The following KDSR variants were observed in gnomAD, a reference collection of about 807,000 sequenced individuals.
KDSR encodes 3-ketodihydrosphingosine reductase, also known as 3-dehydrosphinganine reductase.
KDSR carries 23 observed loss-of-function variants against 41.3 expected under a neutral mutation model. The observed-to-expected ratio is 0.56, with a 90% CI of 0.40 to 0.79. The LOEUF (loss-of-function observed/expected upper bound fraction) is 0.79, where lower values mean the gene tolerates loss of function less well. KDSR is among the 30% of genes least tolerant of loss of function. The probability of loss-of-function intolerance (pLI) is 0.00; values close to 1 mark genes in which losing one functional copy is unlikely to be tolerated. For synonymous variants in KDSR, 138 were observed against 151.7 expected (o/e 0.91, Z 0.66); for missense variants, 351 against 416.8 (o/e 0.84, Z 1.37).
intron 1 of KDSR, among the ~76,000 whole-genome samples, chr18:63,365,464 T>G (rs941025959): frequency 4.6e-5 from 7 of 152,328 alleles, no homozygotes; most frequent in Admixed American, 3.3e-4. Flanking sequence ...ACTATTCATG[T>G]CATTCTCACA....
intron 1 of KDSR, among the ~76,000 whole-genome samples, chr18:63,365,034 T>C (rs1371109940): frequency 6.6e-6 from 1 of 152,242 alleles, no homozygotes; most frequent in African/African-American, 2.4e-5. Flanking sequence ...CCTACCTCTA[T>C]GGGACTCATA....
At chr18:63,335,934 A>T (rs993864921) in intron 8 of KDSR, 2 of 152,328 alleles carry the variant, frequency 1.3e-5, no homozygotes, top group Admixed American at 1.3e-4. Context: ...GCAGCACTGC[A>T]TTCCAGGGCG....
rs199796012 is a variant in KDSR at position 63,331,278 on chromosome 18, G to GAGAGAGACAGAGAGACAGAGAGAC, written c.*480_*503dup. ...ACACAAAGAAAGAAAGAGAGAGAGA[G>GAGAGAGACAGAGAGACAGAGAGAC]AGAGAGACAGAGAGACAGAGAGACA... On this transcript the variant is annotated 3_prime_UTR_variant, in exon 10 of 10. Transcript: ENST00000645214. The GAGAGAGACAGAGAGACAGAGAGAC allele has an allele frequency of 5.5e-6, 1 of 182,062 alleles. No individual in the cohort carries two copies. Among genetic ancestry groups the GAGAGAGACAGAGAGACAGAGAGAC allele is most frequent in the African/African-American group, 2.5e-5 (1 of 39,732 alleles). 11.3% of individuals were successfully genotyped at this position (182,062 alleles called of 1,614,324 possible). A position where few individuals can be genotyped will look rare whatever the true frequency, so the allele number is the denominator to read the frequency against.
Position 63,331,743 on chromosome 18 carries a change from A to G in KDSR, c.*39T>C, listed in dbSNP as rs1045514435. On this transcript the variant is annotated 3_prime_UTR_variant, in exon 10 of 10. Coordinates refer to ENST00000645214, the MANE Select transcript of KDSR (RefSeq NM_002035.4). ...GTCCCATTTAGCAGCAAGCTGTTCA[A>G]ATTATTTGGAAACAGTCTTCTTCCA... The G allele has an allele frequency of 1.9e-6, 3 of 1,602,198 alleles. No individual in the cohort carries two copies. The highest frequency in any genetic ancestry group is 2.2e-5 in the South Asian group (2 of 89,200).
chr18:63,343,938 A>G (rs1389804668), intron 7 of KDSR, among the ~76,000 whole-genome samples: 1 of 152,016 alleles, frequency 6.6e-6, no homozygotes, highest in African/African-American at 2.4e-5. Flanking sequence ...AGCACCTGGG[A>G]GGCTGAGGAG....
intron 7 of KDSR, among the ~76,000 whole-genome samples, chr18:63,341,301 T>A (rs1914333906): frequency 6.6e-6 from 1 of 151,992 alleles, no homozygotes; most frequent in South Asian, 2.1e-4. Flanking sequence ...AGAGAAAATA[T>A]GAAATCCATG....
intron 7 of KDSR, among the ~76,000 whole-genome samples, chr18:63,339,436 A>G (rs1914278534): frequency 6.6e-6 from 1 of 152,226 alleles, no homozygotes. Flanking sequence ...AGGCAAATGC[A>G]CAGGACACTG....
At chr18:63,340,559 A>G (rs1914316696) in intron 7 of KDSR, among the ~76,000 whole-genome samples, 1 of 152,236 alleles carries the variant, frequency 6.6e-6, no homozygotes, top group Non-Finnish European at 1.5e-5. Flanking sequence ...TCACCTATTC[A>G]TTTGCTCAAA....
Position 63,344,507 on chromosome 18 carries a change from C to T in KDSR, c.610-14G>A, listed in dbSNP as rs1914439522. The T allele has an allele frequency of 6.3e-7, 1 of 1,597,608 alleles. No homozygotes were observed. The highest frequency in any genetic ancestry group is 1.7e-5 in the Admixed American group (1 of 59,968). ...ATATGGCTTCACCTGCATTTCAAAA[C>T]AACACGTGTACCTTCAGTAAACAAG... On this transcript the variant is annotated splice_polypyrimidine_tract_variant and intron_variant, in intron 6 of 9. Coordinates refer to ENST00000645214, the MANE Select transcript of KDSR (RefSeq NM_002035.4).
At chr18:63,339,514 G>A (rs1163530590) in intron 7 of KDSR, among the ~76,000 whole-genome samples, 1 of 152,198 alleles carries the variant, frequency 6.6e-6, no homozygotes, top group Non-Finnish European at 1.5e-5. Flanking sequence ...TAGTTACCAG[G>A]CTGGAGCTGC....
intron 1 of KDSR, among the ~76,000 whole-genome samples, chr18:63,365,786 G>C (rs373990871): frequency 6.6e-6 from 1 of 152,200 alleles, no homozygotes; most frequent in Non-Finnish European, 1.5e-5. Flanking sequence ...TCAGAATTTA[G>C]AGTGTCAAGT....
At position 63,331,475 on chromosome 18, in the gene KDSR, T is replaced by G. The variant is rs1297700136; in HGVS notation, c.*307A>C. The G allele has an allele frequency of 4.0e-6, 1 of 253,032 alleles. No individual in the cohort carries two copies. Among genetic ancestry groups the G allele is most frequent in the African/African-American group, 2.2e-5 (1 of 46,018 alleles). The allele number at this position is 253,032 out of a possible 1,614,324, so 15.7% of individuals were successfully genotyped here. On this transcript the variant is annotated 3_prime_UTR_variant, in exon 10 of 10. Coordinates refer to ENST00000645214, the MANE Select transcript of KDSR (RefSeq NM_002035.4). ...CAAAAAAGAATAAATAGAAACAAAT[T>G]TAATGATCATTCTGGAATCCTGTTC... is the stretch of plus-strand genomic sequence containing the variant.
chr18:63,346,049 GAGGGCTTTA>G (rs1206853311), intron 6 of KDSR: 3 of 151,904 alleles, frequency 2.0e-5, no homozygotes, highest in Non-Finnish European at 4.4e-5. Flanking sequence ...GCACAGTTTT[GAGGGCTTTA>G]AGGGGAGCTT....
Position 63,333,464 on chromosome 18 carries a change from TAG to T in KDSR, c.880-1565_880-1564del, listed in dbSNP as rs1176463713. Among the ~76,000 whole-genome samples the T allele has an allele frequency of 2.6e-5, 4 of 152,176 alleles. No homozygotes were observed. The East Asian group carries it at 7.7e-4, about 29-fold the overall frequency. On this transcript the variant is annotated intron_variant, in intron 9 of 9. Transcript: ENST00000645214. ...TTTCATGCAATGTATAGTTGCAGTTTAGAAACAACTGGTGTGGAAAATGTGAG... is the reference window on the plus strand; with the variant it reads ...TTTCATGCAATGTATAGTTGCAGTTTAAACAACTGGTGTGGAAAATGTGAG...
At position 63,331,278 on chromosome 18, in the gene KDSR, G is replaced by C. The variant is rs556302416; in HGVS notation, c.*504C>G. On this transcript the variant is annotated 3_prime_UTR_variant, in exon 10 of 10. Transcript: ENST00000645214. Reference sequence around the variant, plus strand: ...ACACAAAGAAAGAAAGAGAGAGAGAGAGAGAGACAGAGAGACAGAGAGACA... The same window carrying C: ...ACACAAAGAAAGAAAGAGAGAGAGACAGAGAGACAGAGAGACAGAGAGACA... 7.2e-4 allele frequency: 132 copies of C among 184,070 alleles called. No individual in the cohort carries two copies. In the East Asian group the frequency reaches 7.8e-3, roughly 11 times the overall value. The allele number at this position is 184,070 out of a possible 1,614,324, so 11.4% of individuals were successfully genotyped here.
chr18:63,355,889 G>C (rs1480241122), intron 3 of KDSR, among the ~76,000 whole-genome samples: 1 of 152,168 alleles, frequency 6.6e-6, no homozygotes, highest in African/African-American at 2.4e-5. Flanking sequence ...GCCAACCCTA[G>C]GGAGTGATGG....
rs1190086178 is a variant in KDSR, at chr18:63,355,190, A to C, written c.417+14T>G. ...GCATATGTGCTACTGCAGTGAGCAA[A>C]CATTTTTACTTACTTCAAAGGTACT... On this transcript the variant is annotated intron_variant, in intron 5 of 9. Transcript: ENST00000645214. The C allele has an allele frequency of 1.3e-6, 2 of 1,578,194 alleles. No individual in the cohort carries two copies. Among genetic ancestry groups the C allele is most frequent in the South Asian group, 1.1e-5 (1 of 90,124 alleles).
At chr18:63,340,887 C>T (rs143528721) in intron 7 of KDSR, among the ~76,000 whole-genome samples, 30 of 152,310 alleles carry the variant, frequency 2.0e-4, no homozygotes, top group African/African-American at 6.7e-4. Context: ...GTGAGCTCCC[C>T]AGCCCTCCTG....
At chr18:63,342,400 G>T (rs1284855962) in intron 7 of KDSR, among the ~76,000 whole-genome samples, 1 of 152,116 alleles carries the variant, frequency 6.6e-6, no homozygotes, top group African/African-American at 2.4e-5. Context: ...CCACCGCTGG[G>T]TGGCAGAACT....
Sources: allele counts gnomAD v4.1 joint callset (sites outside exome capture counted in the v4.1 genomes callset), GRCh38; gene constraint gnomAD v4.1.1; transcripts MANE v1.5; gene names NCBI Gene and HGNC (gene_info 2026-07-23, HGNC 2026-07-21).